Variants in TRABD2A observed in about 807,000 individuals in gnomAD.
TRABD2A encodes the protein metalloprotease TIKI1.
TRABD2A carries 43 observed loss-of-function variants against 45.6 expected under a neutral mutation model. The observed-to-expected ratio is 0.94, with a 90% CI of 0.74 to 1.22. TRABD2A has a LOEUF of 1.22. Ranked by LOEUF, TRABD2A falls within the 50% of genes most tolerant of loss-of-function variation. The probability of loss-of-function intolerance (pLI) is 0.00; values close to 1 mark genes in which losing one functional copy is unlikely to be tolerated. For synonymous variants in TRABD2A, 269 were observed against 265.0 expected (o/e 1.02, Z -0.15); for missense variants, 642 against 652.4 (o/e 0.98, Z 0.17).
chr2:84,829,690 A>G (rs922830513), intron 5 of TRABD2A, among the ~76,000 whole-genome samples: 2 of 150,550 alleles, frequency 1.3e-5, no homozygotes, highest in Non-Finnish European at 3.0e-5. Context: ...ACACATACAC[A>G]CAACACACAC....
chr2:84,871,742 C>T (rs2105410459), intron 1 of TRABD2A, among the ~76,000 whole-genome samples: 1 of 152,314 alleles, frequency 6.6e-6, no homozygotes, highest in South Asian at 2.1e-4. Flanking sequence ...ACCTCAGCCT[C>T]CCAAAGTGCT....
chr2:84,868,223 G>T (rs145147796), intron 2 of TRABD2A, among the ~76,000 whole-genome samples: 21,070 of 152,086 alleles, frequency 0.14, 1,878 homozygotes, highest in African/African-American at 0.26. Context: ...TAAGAAAATG[G>T]GGCACATATA....
chr2:84,880,898 AG>A (rs1451732816), intron 1 of TRABD2A, 33 bp downstream of exon 1: 1 of 1,561,478 alleles, frequency 6.4e-7, no homozygotes, highest in Admixed American at 1.9e-5. Context: ...AGGTGCAGAG[AG>A]GCCGGCTCTC....
rs1356892398 is a variant in TRABD2A at position 84,870,262 on chromosome 2, T to C, written c.632A>G (p.Glu211Gly). The C allele has an allele frequency of 6.2e-7, 1 of 1,613,874 alleles. No individual in the cohort carries two copies. The highest frequency in any genetic ancestry group is 8.5e-7 in the Non-Finnish European group (1 of 1,179,814). The part of the protein sequence containing the change: ...KQTGAVEKVE[E>G]QCHPLNGLNF... ...CAACCCATTCAATGGATGGCACTGC[T>C]CTTCCACCTTTTCCACTGCCCCAGT... The change falls in exon 2 of 7, where the codon GAG (glutamate) becomes GGG (glycine). Residue 211 changes from glutamate to glycine, a missense_variant. By Grantham distance (98) the Glu-to-Gly change is moderately conservative (BLOSUM62 -2). Transcript: ENST00000409520.
intron 3 of TRABD2A, among the ~76,000 whole-genome samples, chr2:84,841,574 T>G (rs1573928001): frequency 6.6e-6 from 1 of 152,210 alleles, no homozygotes; most frequent in Non-Finnish European, 1.5e-5. Flanking sequence ...AACCCTTCCC[T>G]TCCTCAAGGC....
chr2:84,860,593 C>A (rs1682464359), intron 2 of TRABD2A, among the ~76,000 whole-genome samples: 1 of 152,202 alleles, frequency 6.6e-6, no homozygotes, highest in African/African-American at 2.4e-5. Context: ...CTAATACAAA[C>A]CCTCATGTCC....
intron 2 of TRABD2A, among the ~76,000 whole-genome samples, chr2:84,868,769 T>C (rs1481600602): frequency 2.0e-5 from 3 of 152,224 alleles, no homozygotes; most frequent in Non-Finnish European, 2.9e-5. Context: ...TTTTCCCCAA[T>C]TGGGAGTATG....
At chr2:84,847,562 G>T (rs1284479684) in intron 2 of TRABD2A, among the ~76,000 whole-genome samples, 1 of 152,212 alleles carries the variant, frequency 6.6e-6, no homozygotes, top group Non-Finnish European at 1.5e-5. Context: ...GGTGCCATGA[G>T]CAGTATGCTC....
At chr2:84,878,147 G>A (rs1006509498) in intron 1 of TRABD2A, among the ~76,000 whole-genome samples, 2 of 152,180 alleles carry the variant, frequency 1.3e-5, no homozygotes, top group Non-Finnish European at 2.9e-5. Flanking sequence ...ATTGAGAGAC[G>A]CTTGAGCCAA....
intron 5 of TRABD2A, 83 bp downstream of exon 5, chr2:84,831,972 C>G (rs969371968): frequency 1.4e-6 from 2 of 1,441,380 alleles, no homozygotes; most frequent in Non-Finnish European, 1.9e-6. Flanking sequence ...TGGAGCTCCT[C>G]AAGATAGCAG....
At chr2:84,827,332 A>C (rs1681179341) in intron 5 of TRABD2A, among the ~76,000 whole-genome samples, 1 of 152,230 alleles carries the variant, frequency 6.6e-6, no homozygotes, top group Non-Finnish European at 1.5e-5. Context: ...CCAGGCTTGG[A>C]GCCTTAGACA....
At chr2:84,843,671 A>G (rs927736408) in intron 2 of TRABD2A, 1 of 152,262 alleles carries the variant, frequency 6.6e-6, no homozygotes, top group African/African-American at 2.4e-5. Flanking sequence ...AGGGCAAGCT[A>G]ACTGAATGGC....
Position 84,821,926 on chromosome 2 carries a change from G to C in TRABD2A, c.1509C>G (p.Pro503=). ...VLVLAFQTET[P]LL is the part of the protein sequence containing the mutation. ...CTGGTGCTTCCAGTCGTTACAGGAG[G>C]GGTGTCTCTGTTTGGAAAGCCAGCA... Residue 503 remains proline, a synonymous_variant, in exon 7 of 7, where the codon CCC becomes CCG. Transcript: ENST00000409520. The C allele has an allele frequency of 6.2e-7, 1 of 1,600,128 alleles. No homozygotes were observed. Among genetic ancestry groups the C allele is most frequent in the African/African-American group, 1.3e-5 (1 of 74,808 alleles).
chr2:84,846,592 G>A (rs1011345238), intron 2 of TRABD2A, among the ~76,000 whole-genome samples: 18 of 152,200 alleles, frequency 1.2e-4, no homozygotes, highest in Admixed American at 3.3e-4. Flanking sequence ...CCAAAGAGAC[G>A]CAGTCAATGA....
At chr2:84,832,816 A>AGGG (rs150715668) in intron 4 of TRABD2A, 2 of 149,562 alleles carry the variant, frequency 1.3e-5, no homozygotes, top group African/African-American at 4.9e-5. Context: ...AAAAAAAAGG[A>AGGG]GGGGGGGGAA....
Position 84,866,822 on chromosome 2 carries a change from C to T in TRABD2A, c.669+3403G>A, listed in dbSNP as rs190094046. ...CACTGAGGCCAGGTGTGGCGGCTCA[C>T]GCCTGTAATCGCAGCACTTTGGGAG... On this transcript the variant is annotated intron_variant, in intron 2 of 6. Coordinates refer to ENST00000409520, the MANE Select transcript of TRABD2A (RefSeq NM_001277053.2). Among the ~76,000 whole-genome samples the T allele has an allele frequency of 1.0e-3, 155 of 152,250 alleles. 1 individual carries two copies. The highest frequency in any genetic ancestry group is 3.5e-3 in the African/African-American group (144 of 41,550).
rs13024201 is a variant in TRABD2A, at chr2:84,821,811, G to C, written c.*106C>G. 8.2e-7 allele frequency: 1 copy of C among 1,216,926 alleles called. No individual in the cohort carries two copies. The highest frequency in any genetic ancestry group is 1.1e-6 in the Non-Finnish European group (1 of 926,452). The allele number at this position is 1,216,926 out of a possible 1,614,324, so 75.4% of individuals were successfully genotyped here. A position where few individuals can be genotyped will look rare whatever the true frequency, so the allele number is the denominator to read the frequency against. On this transcript the variant is annotated 3_prime_UTR_variant, in exon 7 of 7. Transcript: ENST00000409520. Reference sequence around the variant, plus strand: ...ACACTGGGCCGCTTTTTCAAGAGCAGTCTCTTCTGGATTGGGCCCAACAAG... The same window carrying C: ...ACACTGGGCCGCTTTTTCAAGAGCACTCTCTTCTGGATTGGGCCCAACAAG...
rs778475837 is a variant in TRABD2A, at chr2:84,841,953, T to C, written c.724A>G (p.Ser242Gly). Residue 242 changes from serine (S) to glycine (G), a missense_variant, in exon 3 of 7, where the codon AGT (serine) becomes GGT (glycine). By Grantham distance (56) the Ser-to-Gly change is moderately conservative (BLOSUM62 0). Transcript: ENST00000409520. ...TCCGTCGTGTAGGGGATCTGAAGACTGCCTGCTCGCAGGCTTTCCTGCTGC... is the reference window on the plus strand; with the variant it reads ...TCCGTCGTGTAGGGGATCTGAAGACCGCCTGCTCGCAGGCTTTCCTGCTGC... ...LLQQESLRAGSLQIPYTTEDL... is the reference protein window; with the variant it reads ...LLQQESLRAGGLQIPYTTEDL... 1.2e-5 allele frequency: 18 copies of C among 1,545,160 alleles called. No individual in the cohort carries two copies. The South Asian group carries it at 2.2e-4, about 18-fold the overall frequency.
intron 2 of TRABD2A, among the ~76,000 whole-genome samples, chr2:84,849,162 T>C (rs868731655): frequency 2.6e-5 from 4 of 152,148 alleles, no homozygotes; most frequent in Non-Finnish European, 4.4e-5. Context: ...AAAGCCGTCC[T>C]GAGACCTCTG....
Sources: gnomAD v4.1 joint callset for allele counts (sites outside exome capture counted in the v4.1 genomes callset) on GRCh38, gnomAD v4.1.1 for gene constraint, MANE v1.5 for transcripts, NCBI Gene and HGNC (gene_info 2026-07-23, HGNC 2026-07-21) for gene names.